Variants in KIF6 observed in about 807,000 individuals in gnomAD.
The protein encoded by KIF6 is kinesin family member 6, also known as kinesin-like protein KIF6.
A neutral mutation model predicts 112.7 loss-of-function variants in KIF6; 106 were observed. The ratio of observed to expected loss-of-function variants is 0.94; its 90% confidence interval spans 0.80 to 1.11. The LOEUF (loss-of-function observed/expected upper bound fraction) is 1.11. Among genes scored for constraint, KIF6 ranks in the 50% least tolerant of loss-of-function variants. KIF6 has a pLI of 0.00. For missense variants in KIF6, 929 were observed against 964.0 expected (o/e 0.96, Z 0.48); for synonymous variants, 339 against 339.9 (o/e 1.00, Z 0.03).
Position 39,357,387 on chromosome 6 carries a change from G to A in KIF6, c.2083-13C>T, listed in dbSNP as rs1190047950. ...CTGGAGAATTTACCTGTTGGCCCCAGAAGGAGTTTCACAGTGTTAGCTTGA... is the reference window on the plus strand; with the variant it reads ...CTGGAGAATTTACCTGTTGGCCCCAAAAGGAGTTTCACAGTGTTAGCTTGA... On this transcript the variant is annotated splice_polypyrimidine_tract_variant and intron_variant, in intron 18 of 22. Coordinates refer to ENST00000287152, the MANE Select transcript of KIF6 (RefSeq NM_145027.6). 7.0e-6 allele frequency: 11 copies of A among 1,573,164 alleles called. No homozygotes were observed. Among genetic ancestry groups the A allele is most frequent in the Non-Finnish European group, 9.6e-6 (11 of 1,143,830 alleles).
At chr6:39,472,145 T>C (rs1187737448) in intron 13 of KIF6, among the ~76,000 whole-genome samples, 9 of 152,274 alleles carry the variant, frequency 5.9e-5, no homozygotes, top group Middle Eastern at 3.4e-3. Flanking sequence ...TCACCTTTCA[T>C]GCCCTACAGT....
At chr6:39,707,386 AC>A (rs1254519387) in intron 3 of KIF6, among the ~76,000 whole-genome samples, 1 of 152,110 alleles carries the variant, frequency 6.6e-6, no homozygotes, top group East Asian at 1.9e-4. Context: ...CTTGCTAGAG[AC>A]AGTAGACTCT....
At chr6:39,338,154 GTAA>G (rs568434111) in intron 22 of KIF6, among the ~76,000 whole-genome samples, 17 of 152,352 alleles carry the variant, frequency 1.1e-4, no homozygotes, top group South Asian at 1.0e-3. Context: ...CTTGGATGAA[GTAA>G]TAAATACAAT....
intron 10 of KIF6, 60 bp from the exon 11 acceptor site, chr6:39,545,748 G>T: frequency 1.0e-6 from 1 of 1,001,276 alleles, no homozygotes; most frequent in Admixed American, 1.8e-5. Context: ...AATTCTAATG[G>T]CATTATCTAG....
chr6:39,430,847 T>TACC (rs1771103930), intron 14 of KIF6, among the ~76,000 whole-genome samples: 1 of 152,240 alleles, frequency 6.6e-6, no homozygotes, highest in African/African-American at 2.4e-5. Context: ...TAAAGTTGCT[T>TACC]ACCCCAGTAG....
intron 3 of KIF6, among the ~76,000 whole-genome samples, chr6:39,673,641 C>A (rs1163851140): frequency 2.0e-5 from 3 of 151,958 alleles, no homozygotes; most frequent in African/African-American, 4.8e-5. Context: ...GGAGGTTATC[C>A]CATTATCAGC....
At chr6:39,696,384 A>C (rs958501116) in intron 3 of KIF6, among the ~76,000 whole-genome samples, 1 of 152,142 alleles carries the variant, frequency 6.6e-6, no homozygotes, top group Non-Finnish European at 1.5e-5. Flanking sequence ...TAGAAGGTGC[A>C]TAATTGAGCT....
chr6:39,523,308 T>C (rs1330143750), intron 13 of KIF6, among the ~76,000 whole-genome samples: 3 of 152,066 alleles, frequency 2.0e-5, no homozygotes, highest in Non-Finnish European at 4.4e-5. Flanking sequence ...CCCTCCAGTA[T>C]CCAAATTACT....
intron 2 of KIF6, chr6:39,718,622 GA>G (rs1162956960): frequency 1.3e-5 from 2 of 151,436 alleles, no homozygotes; most frequent in Non-Finnish European, 2.9e-5. Flanking sequence ...GTGCATACCT[GA>G]AGTCTCACAG....
chr6:39,594,663 T>C (rs1782148025), intron 7 of KIF6, among the ~76,000 whole-genome samples: 1 of 152,152 alleles, frequency 6.6e-6, no homozygotes, highest in Non-Finnish European at 1.5e-5. Flanking sequence ...AATGTGATGA[T>C]TACATAGCAT....
At chr6:39,533,410 T>C (rs1778195123) in intron 13 of KIF6, among the ~76,000 whole-genome samples, 1 of 152,170 alleles carries the variant, frequency 6.6e-6, no homozygotes, top group African/African-American at 2.4e-5. Flanking sequence ...CGCTGATTGC[T>C]AGCACAGCAG....
chr6:39,626,311 G>A (rs1784089849), intron 5 of KIF6, among the ~76,000 whole-genome samples: 1 of 152,142 alleles, frequency 6.6e-6, no homozygotes, highest in African/African-American at 2.4e-5. Context: ...AGATGGGGCT[G>A]AAATGGACAA....
intron 22 of KIF6, among the ~76,000 whole-genome samples, chr6:39,338,033 A>T (rs1288275563): frequency 1.3e-5 from 2 of 152,150 alleles, no homozygotes; most frequent in Admixed American, 6.5e-5. Flanking sequence ...GTTTGACAAA[A>T]CCTGTCGATT....
At position 39,556,492 on chromosome 6, in the gene KIF6, GAGTGT is replaced by G. The variant is rs142950878; in HGVS notation, c.1182-10809_1182-10805del. On this transcript the variant is annotated intron_variant, in intron 10 of 22. Transcript: ENST00000287152. ...TAAACTGGCTTCGAAGCTGACAAAAGAGTGTAGTAGAGAGATAGCTACCTAGGGAA... is the reference window on the plus strand; with the variant it reads ...TAAACTGGCTTCGAAGCTGACAAAAGAGTAGAGAGATAGCTACCTAGGGAA... Among the ~76,000 whole-genome samples, 684 of 152,342 alleles carry G rather than the reference GAGTGT, an allele frequency of 4.5e-3. 4 individuals carry two copies. Among genetic ancestry groups the G allele is most frequent in the African/African-American group, 0.015 (634 of 41,576 alleles).
intron 13 of KIF6, among the ~76,000 whole-genome samples, chr6:39,467,822 T>C (rs141841545): frequency 1.3e-5 from 2 of 152,278 alleles, no homozygotes; most frequent in East Asian, 3.9e-4. Flanking sequence ...AAAGGGCATA[T>C]ATGCTAGCTT....
At chr6:39,461,164 A>G (rs1475362091) in intron 13 of KIF6, among the ~76,000 whole-genome samples, 1 of 152,228 alleles carries the variant, frequency 6.6e-6, no homozygotes, top group Non-Finnish European at 1.5e-5. Flanking sequence ...ATCTTGTTTA[A>G]TGTCCAACTT....
intron 13 of KIF6, among the ~76,000 whole-genome samples, chr6:39,436,038 A>T (rs561944266): frequency 6.6e-6 from 1 of 152,162 alleles, no homozygotes; most frequent in Non-Finnish European, 1.5e-5. Context: ...GTTTTTTGAC[A>T]TTTTATTAAT....
intron 13 of KIF6, among the ~76,000 whole-genome samples, chr6:39,499,441 G>A (rs763895333): frequency 6.6e-6 from 1 of 152,150 alleles, no homozygotes; most frequent in Non-Finnish European, 1.5e-5. Flanking sequence ...CAAGCCTGGG[G>A]AGGGGAGAAG....
At chr6:39,469,218 G>A (rs1013640245) in intron 13 of KIF6, among the ~76,000 whole-genome samples, 2 of 151,864 alleles carry the variant, frequency 1.3e-5, no homozygotes, top group African/African-American at 2.4e-5. Context: ...TGCTACACTA[G>A]AAAATATTCA....
Sources: allele counts gnomAD v4.1 joint callset (sites outside exome capture counted in the v4.1 genomes callset), GRCh38; gene constraint gnomAD v4.1.1; transcripts MANE v1.5; gene names NCBI Gene and HGNC (gene_info 2026-07-23, HGNC 2026-07-21).